Variants in COQ2 observed in about 807,000 individuals in gnomAD.
The protein encoded by COQ2 is 4-hydroxybenzoate polyprenyltransferase, mitochondrial.
Under a neutral mutation model 35.7 loss-of-function variants are expected in COQ2, and 25 were observed. The ratio of observed to expected loss-of-function variants is 0.70; its 90% confidence interval spans 0.51 to 0.98. The LOEUF is 0.98. Ranked by LOEUF, COQ2 falls within the 50% of genes least tolerant of loss-of-function variation. COQ2 has a pLI of 0.00. For missense variants in COQ2, 488 were observed against 473.5 expected (o/e 1.03, Z -0.28); for synonymous variants, 206 against 186.2 (o/e 1.11, Z -0.86).
At chr4:83,268,113 T>C (rs1170358903) in intron 5 of COQ2, among the ~76,000 whole-genome samples, 1 of 152,250 alleles carries the variant, frequency 6.6e-6, no homozygotes, top group East Asian at 1.9e-4. Context: ...TTTTTAGTGT[T>C]AGGATTAAAA....
chr4:83,273,319 G>A (rs1735092461), intron 3 of COQ2, among the ~76,000 whole-genome samples, 177 bp downstream of exon 3: 1 of 152,236 alleles, frequency 6.6e-6, no homozygotes, highest in Non-Finnish European at 1.5e-5. Context: ...TCCTTTGGCT[G>A]AAAGCATTCT....
At chr4:83,281,604 C>T (rs1420088674) in intron 1 of COQ2, 2 of 152,160 alleles carry the variant, frequency 1.3e-5, no homozygotes, top group East Asian at 3.8e-4. Context: ...AAGAGAACAG[C>T]TACCTCACAG....
At chr4:83,284,833 C>A, upstream of COQ2, 1 of 1,559,634 alleles carries the variant, frequency 6.4e-7, no homozygotes, top group Non-Finnish European at 8.6e-7. Context: ...GTGGCACCCG[C>A]AGGATGCAAT....
At position 83,269,981 on chromosome 4, in the gene COQ2, T is replaced by C; in HGVS notation, c.641A>G (p.Asn214Ser). The C allele has an allele frequency of 1.2e-6, 2 of 1,612,954 alleles. No individual in the cohort carries two copies. Among genetic ancestry groups the C allele is most frequent in the Non-Finnish European group, 1.7e-6 (2 of 1,179,566 alleles). The change falls in exon 5 of 7, where the codon AAT becomes AGT. Residue 214 changes from asparagine (N) to serine (S), a missense_variant. Physicochemically the swap from Asn to Ser is conservative, Grantham distance 46. Transcript: ENST00000647002. ...WPQLALGLTFNWGALLGWSAI... is the reference protein window; with the variant it reads ...WPQLALGLTFSWGALLGWSAI... ...AGACCATCCAAGTAACGCTCCCCAA[T>C]TAAATGTCAAGCCTACAATTAGCAA...
chr4:83,281,367 G>A (rs1735317582), intron 1 of COQ2: 1 of 152,304 alleles, frequency 6.6e-6, no homozygotes, highest in African/African-American at 2.4e-5. Context: ...CACTTATAGT[G>A]TTTTCTGTCA....
At chr4:83,274,650 G>C (rs932019882) in intron 2 of COQ2, among the ~76,000 whole-genome samples, 1 of 152,110 alleles carries the variant, frequency 6.6e-6, no homozygotes, top group Non-Finnish European at 1.5e-5. Context: ...AATGTATTAA[G>C]GTGAGGATTC....
chr4:83,270,149 G>A (rs1237481675), intron 4 of COQ2, among the ~76,000 whole-genome samples, 156 bp from the exon 5 acceptor site: 1 of 151,814 alleles, frequency 6.6e-6, no homozygotes. Flanking sequence ...TTCAACTCTC[G>A]GTGGTACTTA....
At chr4:83,283,814 G>A (rs1419583600) in intron 1 of COQ2, 1 of 985,414 alleles carries the variant, frequency 1.0e-6, no homozygotes, top group Non-Finnish European at 1.2e-6. Flanking sequence ...GAAAAATTGC[G>A]GATAAAGCGA....
chr4:83,269,029 GA>G (rs1251089016), intron 5 of COQ2, among the ~76,000 whole-genome samples: 4 of 151,378 alleles, frequency 2.6e-5, no homozygotes, highest in African/African-American at 4.9e-5. Context: ...AAATGTAAAA[GA>G]AAAAAATGAG....
intron 6 of COQ2, among the ~76,000 whole-genome samples, chr4:83,267,378 C>CA (rs1166309245): frequency 6.6e-6 from 1 of 151,464 alleles, no homozygotes. Flanking sequence ...AGCACTGTTT[C>CA]AAAAAAAATT....
chr4:83,284,515 T>C lies in COQ2; in HGVS notation c.250A>G (p.Ile84Val), dbSNP rs1173512900. 1.9e-6 allele frequency: 3 copies of C among 1,571,602 alleles called. No individual in the cohort carries two copies. The East Asian group carries it at 7.2e-5, about 38-fold the overall frequency. The change falls in exon 1 of 7, where the codon ATT (isoleucine) becomes GTT (valine). Residue 84 changes from isoleucine to valine, a missense_variant. Ile to Val is a conservative substitution (Grantham distance 29). Transcript: ENST00000647002. ...CTGCCCGCCCGCCCGCACTCACCAA[T>C]GGGCTTGTCCAACCGCATGAGGCGC... ...YLRLMRLDKP[I>V]GTWLLYLPCT...
At chr4:83,272,486 T>G (rs1214707274) in intron 3 of COQ2, among the ~76,000 whole-genome samples, 1 of 152,328 alleles carries the variant, frequency 6.6e-6, no homozygotes, top group African/African-American at 2.4e-5. Context: ...AAAAGGCAGG[T>G]ATTATAATAT....
At chr4:83,280,982 G>C (rs1735306862) in intron 1 of COQ2, among the ~76,000 whole-genome samples, 2 of 152,158 alleles carry the variant, frequency 1.3e-5, no homozygotes, top group South Asian at 4.1e-4. Context: ...ATTAGAGACA[G>C]GGTCTCGCTC....
intron 2 of COQ2, among the ~76,000 whole-genome samples, chr4:83,274,976 A>C (rs1193268909): frequency 6.6e-6 from 1 of 152,174 alleles, no homozygotes; most frequent in East Asian, 1.9e-4. Flanking sequence ...TACAATTATT[A>C]TATCTTTCAC....
At chr4:83,268,640 T>C (rs1441797697) in intron 5 of COQ2, among the ~76,000 whole-genome samples, 1 of 152,240 alleles carries the variant, frequency 6.6e-6, no homozygotes, top group Non-Finnish European at 1.5e-5. Context: ...CCTGAAGTTG[T>C]TAATCTAATT....
At chr4:83,284,809 G>A (rs1320804987), upstream of COQ2, 2 of 1,569,154 alleles carry the variant, frequency 1.3e-6, no homozygotes, top group South Asian at 2.3e-5. Flanking sequence ...GTCATTCCCC[G>A]GCAGGCATGC....
chr4:83,284,099 G>C (rs923491063), intron 1 of COQ2: 22 of 985,306 alleles, frequency 2.2e-5, no homozygotes, highest in Admixed American at 6.1e-5. Flanking sequence ...AGATTGCGGG[G>C]AGGATCAAAC....
At chr4:83,284,217 G>C in intron 1 of COQ2, 1 of 985,486 alleles carries the variant, frequency 1.0e-6, no homozygotes, top group Non-Finnish European at 1.2e-6. Flanking sequence ...AGGTGCTCAG[G>C]ATGCAGACAG....
At chr4:83,279,651 CT>C (rs1392521176) in intron 1 of COQ2, among the ~76,000 whole-genome samples, 2 of 152,004 alleles carry the variant, frequency 1.3e-5, no homozygotes. Context: ...TGCTCAAAGA[CT>C]GTCAGGAAGA....
Sources: allele counts gnomAD v4.1 joint callset (sites outside exome capture counted in the v4.1 genomes callset), GRCh38; gene constraint gnomAD v4.1.1; transcripts MANE v1.5; gene names NCBI Gene and HGNC (gene_info 2026-07-23, HGNC 2026-07-21).